The following RMST variants were observed in gnomAD, a reference collection of about 807,000 sequenced individuals.
RMST encodes long intergenic non-protein coding RNA 54.
At chr12:97,505,631 T>C (rs1878584573) in intron 10 of RMST, among the ~76,000 whole-genome samples, 1 of 152,262 alleles carries the variant, frequency 6.6e-6, no homozygotes, top group Non-Finnish European at 1.5e-5. Flanking sequence ...ACATATTTGC[T>C]ATTGCATATT....
At chr12:97,552,174 T>C (rs1883355106) in intron 11 of RMST, 1 of 152,192 alleles carries the variant, frequency 6.6e-6, no homozygotes, top group Non-Finnish European at 1.5e-5. Flanking sequence ...ATTTTAATGA[T>C]ACTAATGACT....
exon 11 of RMST, chr12:97,530,720 A>G (rs553147960): frequency 1.4e-4 from 22 of 152,248 alleles, no homozygotes; most frequent in African/African-American, 5.1e-4. Flanking sequence ...CTACATCTGC[A>G]AAGTTTAATC....
chr12:97,517,670 G>T (rs1183238452), intron 10 of RMST, among the ~76,000 whole-genome samples: 1 of 151,914 alleles, frequency 6.6e-6, no homozygotes, highest in African/African-American at 2.4e-5. Context: ...TACTACACAT[G>T]CACTTTGATG....
intron 10 of RMST, among the ~76,000 whole-genome samples, chr12:97,529,749 C>T (rs944934107): frequency 7.9e-5 from 12 of 152,012 alleles, no homozygotes; most frequent in African/African-American, 2.9e-4. Context: ...TGCTTCTACG[C>T]ATTACCTAAT....
intron 11 of RMST, among the ~76,000 whole-genome samples, chr12:97,546,723 T>C (rs1882960237): frequency 6.6e-6 from 1 of 152,146 alleles, no homozygotes; most frequent in Non-Finnish European, 1.5e-5. Flanking sequence ...AATATGATGT[T>C]CTGAAATATG....
At chr12:97,530,030 A>G (rs1031351960) in intron 10 of RMST, among the ~76,000 whole-genome samples, 3 of 152,072 alleles carry the variant, frequency 2.0e-5, no homozygotes, top group African/African-American at 7.2e-5. Context: ...ATTCGTCTTC[A>G]TGAAAAAGGG....
chr12:97,543,311 C>T (rs1882695762), intron 11 of RMST, among the ~76,000 whole-genome samples: 1 of 151,946 alleles, frequency 6.6e-6, no homozygotes, highest in African/African-American at 2.4e-5. Flanking sequence ...AAAGGCCATT[C>T]TGCATTTCTC....
At chr12:97,468,997 T>C (rs1476694861) in intron 5 of RMST, among the ~76,000 whole-genome samples, 1 of 151,898 alleles carries the variant, frequency 6.6e-6, no homozygotes, top group Admixed American at 6.6e-5. Context: ...TTATACATCA[T>C]CATGAATCAC....
At position 97,507,259 on chromosome 12, in the gene RMST, TTTTTTTTTGTTTTTGTC is replaced by T. The variant is rs1440626555; in HGVS notation, n.1340+11212_1340+11228del. On this transcript the variant is annotated intron_variant and non_coding_transcript_variant, in intron 10 of 13. Coordinates refer to ENST00000640149, the Ensembl canonical transcript of RMST. ...ATTTGAAATGCTGGGTTGTTATTGTTTTTTTTTTGTTTTTGTCTTTTTTTTTTTAAAAAAAAAAAGAT... is the reference window on the plus strand; with the variant it reads ...ATTTGAAATGCTGGGTTGTTATTGTTTTTTTTTTTTTAAAAAAAAAAAGAT... 8.0e-3 allele frequency among the ~76,000 whole-genome samples: 1,156 copies of T among 143,834 alleles called. 27 individuals carry two copies. The highest frequency in any genetic ancestry group is 0.031 in the African/African-American group (1,105 of 35,420). The allele number at this position is 143,834 out of a possible 152,430, so 94.4% of individuals were successfully genotyped here.
At chr12:97,512,143 C>CGCTGGCTCAGGAGTGAA (rs1565927917) in intron 10 of RMST, among the ~76,000 whole-genome samples, 1 of 152,068 alleles carries the variant, frequency 6.6e-6, no homozygotes, top group Non-Finnish European at 1.5e-5. Flanking sequence ...TTCGTGGTCT[C>CGCTGGCTCAGGAGTGAA]GCTGGCTCAG....
chr12:97,517,213 T>C (rs1880025955), intron 10 of RMST, among the ~76,000 whole-genome samples: 1 of 152,030 alleles, frequency 6.6e-6, no homozygotes, highest in Non-Finnish European at 1.5e-5. Context: ...TAATTTCACT[T>C]AATTTTGAGA....
intron 11 of RMST, among the ~76,000 whole-genome samples, chr12:97,557,706 T>G (rs779278163): frequency 1.3e-5 from 2 of 152,160 alleles, no homozygotes; most frequent in Non-Finnish European, 2.9e-5. Flanking sequence ...GGGGTCACTT[T>G]GTACTGGGGT....
At chr12:97,467,111 T>C (rs779659478) in intron 5 of RMST, among the ~76,000 whole-genome samples, 17 of 152,074 alleles carry the variant, frequency 1.1e-4, no homozygotes, top group Non-Finnish European at 1.8e-4. Context: ...ATGTCATATA[T>C]ATTTTAAAAT....
At chr12:97,488,625 G>A (rs537480517) in intron 5 of RMST, among the ~76,000 whole-genome samples, 65 of 152,216 alleles carry the variant, frequency 4.3e-4, no homozygotes, top group African/African-American at 1.5e-3. Context: ...AAGGCAGTTC[G>A]GTGCATCCTG....
At chr12:97,468,110 T>C (rs1419931423) in intron 5 of RMST, among the ~76,000 whole-genome samples, 2 of 152,146 alleles carry the variant, frequency 1.3e-5, no homozygotes, top group East Asian at 3.9e-4. Flanking sequence ...TTGGCAAGGA[T>C]TCATGGTAAA....
At chr12:97,529,597 A>G (rs199722375) in intron 10 of RMST, among the ~76,000 whole-genome samples, 1 of 137,458 alleles carries the variant, frequency 7.3e-6, no homozygotes, top group Non-Finnish European at 1.6e-5. Flanking sequence ...CGCAAACTTT[A>G]TTTTGTTGAT....
intron 5 of RMST, among the ~76,000 whole-genome samples, chr12:97,467,879 T>A (rs1162748341): frequency 1.3e-5 from 2 of 152,048 alleles, no homozygotes; most frequent in African/African-American, 4.8e-5. Flanking sequence ...AAGATTTGAA[T>A]TGGCTTTGGT....
At chr12:97,539,015 G>A (rs560934497) in intron 11 of RMST, among the ~76,000 whole-genome samples, 1 of 151,422 alleles carries the variant, frequency 6.6e-6, no homozygotes, top group Admixed American at 6.6e-5. Context: ...TTAACTGTTT[G>A]GGCCATTTGA....
intron 11 of RMST, among the ~76,000 whole-genome samples, chr12:97,539,657 G>A (rs1320981176): frequency 6.6e-6 from 1 of 151,526 alleles, no homozygotes; most frequent in Non-Finnish European, 1.5e-5. Context: ...CCTTCATGTG[G>A]AGATGCGAAC....
Sources: allele counts gnomAD v4.1 joint callset (sites outside exome capture counted in the v4.1 genomes callset), GRCh38; gene constraint gnomAD v4.1.1; transcripts MANE v1.5; gene names NCBI Gene and HGNC (gene_info 2026-07-23, HGNC 2026-07-21).